Variants in SLFN12L observed in about 807,000 individuals in gnomAD.
The protein encoded by SLFN12L is schlafen family member 12-like.
In SLFN12L, 34 loss-of-function variants were observed where a neutral mutation model predicts 34.8. The ratio of observed to expected loss-of-function variants is 0.98; its 90% confidence interval spans 0.74 to 1.30. SLFN12L has a LOEUF of 1.30. Ranked by LOEUF, SLFN12L falls within the 50% of genes most tolerant of loss-of-function variation. The pLI, the probability that SLFN12L is intolerant of heterozygous loss-of-function variation, is 0.00. For missense variants in SLFN12L, 703 were observed against 696.2 expected (o/e 1.01, Z -0.11); for synonymous variants, 259 against 247.5 (o/e 1.05, Z -0.44).
intron 2 of SLFN12L, chr17:35,498,495 C>T (rs558855217): frequency 2.5e-6 from 3 of 1,197,524 alleles, no homozygotes; most frequent in Non-Finnish European, 2.5e-6. Context: ...CGAAGTGATG[C>T]CTCTCCTTTA....
At chr17:35,531,546 A>G (rs2072411108) in intron 1 of SLFN12L, among the ~76,000 whole-genome samples, 1 of 152,168 alleles carries the variant, frequency 6.6e-6, no homozygotes, top group Non-Finnish European at 1.5e-5. Flanking sequence ...TCTTTCAAGT[A>G]TAGCATGCCA....
In SLFN12L at chr17:35,474,742, G is replaced by T. The variant is rs375804624; in HGVS notation, c.*181C>A. 1.3e-4 allele frequency: 62 copies of T among 484,880 alleles called. No individual in the cohort carries two copies. The highest frequency in any genetic ancestry group is 2.1e-4 in the Non-Finnish European group (59 of 282,526). 30.0% of individuals were successfully genotyped at this position (484,880 alleles called of 1,614,324 possible). The stretch of plus-strand genomic sequence containing the variant: ...AGTTCAAGACCAGCCTGGCCAAGAC[G>T]GTGAAACCCCATCTCTGCTAAAAAT... On this transcript the variant is annotated 3_prime_UTR_variant, in exon 5 of 5. Transcript: ENST00000628453.
At chr17:35,509,374 A>G (rs117601364) in intron 2 of SLFN12L, among the ~76,000 whole-genome samples, 1,570 of 152,312 alleles carry the variant, frequency 0.01, 14 homozygotes, top group Middle Eastern at 0.041. Context: ...AGTACTGCAG[A>G]TGCTCGCCAG....
At chr17:35,491,047 C>A in intron 2 of SLFN12L, 1 of 786,486 alleles carries the variant, frequency 1.3e-6, no homozygotes, top group Non-Finnish European at 2.4e-6. Flanking sequence ...AGACTGCGGA[C>A]CAAATTCCTT....
At chr17:35,525,759 C>T (rs1334202088) in intron 1 of SLFN12L, among the ~76,000 whole-genome samples, 2 of 152,140 alleles carry the variant, frequency 1.3e-5, no homozygotes, top group African/African-American at 4.8e-5. Flanking sequence ...CAAAAACATA[C>T]CAAATTGTAA....
chr17:35,489,176 C>T (rs1914732161), intron 2 of SLFN12L, among the ~76,000 whole-genome samples: 1 of 152,160 alleles, frequency 6.6e-6, no homozygotes, highest in Non-Finnish European at 1.5e-5. Flanking sequence ...AACTCTTCTT[C>T]AGTCACTGAC....
intron 2 of SLFN12L, among the ~76,000 whole-genome samples, chr17:35,488,258 T>C (rs1914687783): frequency 6.6e-6 from 1 of 152,194 alleles, no homozygotes; most frequent in African/African-American, 2.4e-5. Flanking sequence ...ACATTCCAGC[T>C]TGACTCGTAT....
In SLFN12L at chr17:35,494,884, A is replaced by AT. The variant is rs201037435; in HGVS notation, c.87-14690dup. On this transcript the variant is annotated intron_variant, in intron 2 of 4. Transcript: ENST00000628453. ...ATTTTTGCGTTAATTTTATTAATTT[A>AT]TTTATTTTATTTATTTATTTATTTA... 4.7e-3 allele frequency among the ~76,000 whole-genome samples: 658 copies of AT among 139,678 alleles called. 4 individuals are homozygous for AT. Among genetic ancestry groups the AT allele is most frequent in the African/African-American group, 0.014 (467 of 33,980 alleles). The allele number at this position is 139,678 out of a possible 152,430, so 91.6% of individuals were successfully genotyped here.
intron 2 of SLFN12L, among the ~76,000 whole-genome samples, chr17:35,488,188 G>A (rs62078154): frequency 0.038 from 5,801 of 152,242 alleles, 163 homozygotes; most frequent in East Asian, 0.16. Flanking sequence ...CAGCCTGGGC[G>A]ACAGAGCAAG....
intron 2 of SLFN12L, among the ~76,000 whole-genome samples, chr17:35,520,067 G>T (rs1915953603): frequency 6.6e-6 from 1 of 151,752 alleles, no homozygotes; most frequent in Non-Finnish European, 1.5e-5. Context: ...GCCTTGACAG[G>T]CAAGAATTGA....
chr17:35,509,724 G>C (rs969200754), intron 2 of SLFN12L, among the ~76,000 whole-genome samples: 1 of 150,520 alleles, frequency 6.6e-6, no homozygotes, highest in African/African-American at 2.4e-5. Flanking sequence ...TTGAGACAGA[G>C]TCTCGCTGTG....
At position 35,482,815 on chromosome 17, in the gene SLFN12L, C is replaced by T. The variant is rs1295646222; in HGVS notation, c.87-2620G>A. 1.3e-4 allele frequency among the ~76,000 whole-genome samples: 20 copies of T among 152,136 alleles called. 1 individual carries two copies. The stretch of plus-strand genomic sequence containing the variant: ...GGCCACACCTTCAGGCCTGGGAGGG[C>T]CTGAAGGCTGGGGACCGGGCTGCCA... On this transcript the variant is annotated intron_variant, in intron 2 of 4. Transcript: ENST00000628453.
chr17:35,502,798 A>C (rs1413454860), intron 2 of SLFN12L, among the ~76,000 whole-genome samples: 5 of 152,198 alleles, frequency 3.3e-5, no homozygotes, highest in Non-Finnish European at 7.4e-5. Context: ...GACATAAAGG[A>C]AGTTTGCTTT....
At position 35,464,830 on chromosome 17, in the gene SLFN12L, T is replaced by C. The variant is rs1913696199; in HGVS notation, c.*10093A>G. ...AGAATTTATATAACAAAAAGATAGC[T>C]AAGGTCGTGATTGGGTTTAGAACTG... On this transcript the variant is annotated 3_prime_UTR_variant, in exon 5 of 5. Transcript: ENST00000628453. Among the ~76,000 whole-genome samples the C allele has an allele frequency of 1.3e-5, 2 of 152,154 alleles. No individual in the cohort carries two copies.
In SLFN12L at chr17:35,479,700, A is replaced by G. The variant is rs772661135; in HGVS notation, c.582T>C (p.Thr194=). 2 of 1,613,880 alleles carry G rather than the reference A, an allele frequency of 1.2e-6. No homozygotes were observed. Among genetic ancestry groups the G allele is most frequent in the Admixed American group, 3.3e-5 (2 of 59,966 alleles). ...ALEFLKDMEK[T]GGRAYLRPEF... is the part of the protein sequence containing the mutation. The stretch of plus-strand genomic sequence containing the variant: ...CTGGTCTTAAATATGCTCTCCCTCC[A>G]GTTTTTTCCATGTCTTTGAGGAACT... The change falls in exon 3 of 5, where the codon ACT becomes ACC. Residue 194 remains threonine (T), a synonymous_variant. Coordinates refer to ENST00000628453, the MANE Select transcript of SLFN12L (RefSeq NM_001363830.2).
intron 2 of SLFN12L, among the ~76,000 whole-genome samples, chr17:35,509,563 G>A (rs1226696756): frequency 2.0e-5 from 3 of 152,050 alleles, no homozygotes; most frequent in African/African-American, 7.2e-5. Context: ...GGAAAGCCAG[G>A]CATAAATTAG....
rs57220811 is a variant in SLFN12L at position 35,492,959 on chromosome 17, G to GA, written c.87-12765dup. 2.8e-3 allele frequency among the ~76,000 whole-genome samples: 205 copies of GA among 73,450 alleles called. 1 individual carries two copies. The highest frequency in any genetic ancestry group is 0.017 in the African/African-American group (174 of 10,132). The allele number at this position is 73,450 out of a possible 152,430, so 48.2% of individuals were successfully genotyped here. A position where few individuals can be genotyped will look rare whatever the true frequency, so the allele number is the denominator to read the frequency against. On this transcript the variant is annotated intron_variant, in intron 2 of 4. Transcript: ENST00000628453. ...ATTGAATTGAAAATATCCCTTAGGGGAAAAAAAAAACACACACACACACAA... is the reference window on the plus strand; with the variant it reads ...ATTGAATTGAAAATATCCCTTAGGGGAAAAAAAAAAACACACACACACACAA...
intron 1 of SLFN12L, among the ~76,000 whole-genome samples, chr17:35,527,581 A>C (rs563705499): frequency 1.3e-5 from 2 of 152,292 alleles, no homozygotes; most frequent in South Asian, 4.1e-4. Context: ...CCATCACATA[A>C]ACAGAACGAA....
Position 35,479,772 on chromosome 17 carries a change from C to G in SLFN12L, c.510G>C (p.Lys170Asn), listed in dbSNP as rs751295759. The G allele has an allele frequency of 1.6e-5, 26 of 1,613,734 alleles. No individual in the cohort carries two copies. The highest frequency in any genetic ancestry group is 1.9e-5 in the Non-Finnish European group (23 of 1,179,854). The change falls in exon 3 of 5, where the codon AAG becomes AAC. Residue 170 changes from lysine to asparagine, a missense_variant. By Grantham distance (94) the Lys-to-Asn change is moderately conservative. Transcript: ENST00000628453. Reference protein sequence around the residue: ...QIATLSSSLYKRDVTSAKVMN... With the variant: ...QIATLSSSLYNRDVTSAKVMN... ...TGACTTTTGCAGACGTTACATCTCT[C>G]TTGTACAAACTGGAGCTCAACGTGG... is the stretch of plus-strand genomic sequence containing the variant.
Sources: allele counts gnomAD v4.1 joint callset (sites outside exome capture counted in the v4.1 genomes callset), GRCh38; gene constraint gnomAD v4.1.1; transcripts MANE v1.5; gene names NCBI Gene and HGNC (gene_info 2026-07-23, HGNC 2026-07-21).